The following LAMA5 variants were observed in gnomAD, a reference collection of about 807,000 sequenced individuals.
The protein encoded by LAMA5 is laminin subunit alpha 5, also known as laminin subunit alpha-5.
Under a neutral mutation model 433.4 loss-of-function variants are expected in LAMA5, and 260 were observed. That is an observed-to-expected ratio of 0.60 (90% CI 0.54 to 0.66). The LOEUF (loss-of-function observed/expected upper bound fraction) is 0.66. LAMA5 is among the 30% of genes least tolerant of loss of function. The probability of loss-of-function intolerance (pLI) is 0.00; values close to 1 mark genes in which losing one functional copy is unlikely to be tolerated. For missense variants in LAMA5, 5,378 were observed against 5,258.5 expected (o/e 1.02, Z -0.70); for synonymous variants, 2,620 against 2,226.6 (o/e 1.18, Z -4.97).
In LAMA5 at chr20:62,311,090, T is replaced by C. The variant is rs138515494; in HGVS notation, c.10093A>G (p.Ser3365Gly). 3,031 of 1,576,196 alleles carry C rather than the reference T, an allele frequency of 1.9e-3. 41 individuals are homozygous for C. The African/African-American group carries it at 0.034, about 18-fold the overall frequency. Reference sequence around the variant, plus strand: ...CGCGGGAGGACGTGCATGGAGAGACTGGGCCTGGAAGCGGAGCTGGCGTCA... The same window carrying C: ...CGCGGGAGGACGTGCATGGAGAGACCGGGCCTGGAAGCGGAGCTGGCGTCA... ...GILARHRNWPSLSMHVLPRSS... is the reference protein window; with the variant it reads ...GILARHRNWPGLSMHVLPRSS... Residue 3365 changes from serine to glycine, a missense_variant, in exon 74 of 80, where the codon AGT becomes GGT. By Grantham distance (56) the Ser-to-Gly change is moderately conservative. Coordinates refer to ENST00000252999, the MANE Select transcript of LAMA5 (RefSeq NM_005560.6).
intron 6 of LAMA5, among the ~76,000 whole-genome samples, chr20:62,350,560 G>T (rs1394787346): frequency 1.3e-5 from 2 of 152,180 alleles, no homozygotes; most frequent in Non-Finnish European, 2.9e-5. Flanking sequence ...GAGCAGTAAG[G>T]CCCCACAGAA....
intron 28 of LAMA5, among the ~76,000 whole-genome samples, chr20:62,331,642 A>G (rs1295223914): frequency 6.6e-6 from 1 of 152,138 alleles, no homozygotes; most frequent in East Asian, 1.9e-4. Context: ...ACAAGCCGCA[A>G]ATGGGTGCTC....
In LAMA5 at chr20:62,337,591, T is replaced by C; in HGVS notation, c.2163A>G (p.Glu721=). Residue 721 remains glutamate, a splice_region_variant and synonymous_variant, in exon 16 of 80, where the codon GAA becomes GAG. Coordinates refer to ENST00000252999, the MANE Select transcript of LAMA5 (RefSeq NM_005560.6). The part of the protein sequence containing the change: ...VPGAYNFPYC[E]AGSCHPAGLA... Reference sequence around the variant, plus strand: ...GCACACAGCCACCTGCCTGCTCACCTTCGCAGTAGGGGAAGTTGTAGGCAC... The same window carrying C: ...GCACACAGCCACCTGCCTGCTCACCCTCGCAGTAGGGGAAGTTGTAGGCAC... 9 of 1,603,478 alleles carry C rather than the reference T, an allele frequency of 5.6e-6. No homozygotes were observed. Among genetic ancestry groups the C allele is most frequent in the Non-Finnish European group, 7.7e-6 (9 of 1,175,904 alleles).
intron 11 of LAMA5, among the ~76,000 whole-genome samples, chr20:62,339,036 C>CAAAA (rs547740017): frequency 8.0e-6 from 1 of 125,408 alleles, no homozygotes. Context: ...GACTCCGTCT[C>CAAAA]AAAAAAAAAA....
chr20:62,362,533 C>A lies in LAMA5; in HGVS notation c.317G>T (p.Cys106Phe). ...QTIRGQYCDICTAANSNKAHP... is the reference protein window; with the variant it reads ...QTIRGQYCDIFTAANSNKAHP... ...TGCCTTGTTGCTGTTGGCAGCCGTG[C>A]AGATGTCACAGTACTGGCCCTGCAG... The change falls in exon 2 of 80, where the codon TGC (cysteine) becomes TTC (phenylalanine). Residue 106 changes from cysteine (C) to phenylalanine (F), a missense_variant. By Grantham distance (205) the Cys-to-Phe change is radical. Coordinates refer to ENST00000252999, the MANE Select transcript of LAMA5 (RefSeq NM_005560.6). 6.3e-7 allele frequency: 1 copy of A among 1,595,640 alleles called. No individual in the cohort carries two copies.
Position 62,325,424 on chromosome 20 carries a change from G to C in LAMA5, c.5421C>G (p.Phe1807Leu). 6.2e-7 allele frequency: 1 copy of C among 1,612,370 alleles called. No individual in the cohort carries two copies. The change falls in exon 41 of 80, where the codon TTC becomes TTG. Residue 1807 changes from phenylalanine to leucine, a missense_variant. By Grantham distance (22) the Phe-to-Leu change is conservative. Transcript: ENST00000252999. ...ALFSQISSAV[F>L]LRRVALEVAS... ...CCACCTCCAGTGCCACCCTGCGCAG[G>C]AAGACAGCCGAGGAGATCTGTGAGA...
chr20:62,347,404 T>G (rs1032479013), intron 6 of LAMA5, among the ~76,000 whole-genome samples: 24 of 152,090 alleles, frequency 1.6e-4, no homozygotes, highest in African/African-American at 5.1e-4. Flanking sequence ...GATGGAGACC[T>G]GCGTTCTCCA....
chr20:62,361,565 T>C (rs115804557), intron 2 of LAMA5, among the ~76,000 whole-genome samples: 9,806 of 152,280 alleles, frequency 0.064, 364 homozygotes, highest in South Asian at 0.18. Flanking sequence ...TGAAGACCGA[T>C]GTGTCACACA....
At chr20:62,353,440 G>A (rs534261491) in intron 2 of LAMA5, 189 bp from the exon 3 acceptor site, 1 of 517,580 alleles carries the variant, frequency 1.9e-6, no homozygotes, top group African/African-American at 2.0e-5. Context: ...CCCAGGGATG[G>A]AGATGAGCCC....
At chr20:62,332,516 C>T (rs1291962092) in intron 27 of LAMA5, 36 bp from the exon 28 acceptor site, 1 of 1,608,098 alleles carries the variant, frequency 6.2e-7, no homozygotes, top group South Asian at 1.1e-5. Flanking sequence ...TGGGGCAGCC[C>T]CGGGCGTGCC....
Position 62,318,471 on chromosome 20 carries a change from G to T in LAMA5, c.7222C>A (p.Arg2408Ser), listed in dbSNP as rs201111971. 5.0e-6 allele frequency: 8 copies of T among 1,606,192 alleles called. No homozygotes were observed. Among genetic ancestry groups the T allele is most frequent in the Admixed American group, 3.3e-5 (2 of 59,798 alleles). ...AQELNSRNQE[R>S]LEEALQRKQE... ...GTCCTCACCAGGGCTTCCTCCAGGC[G>T]CTCCTGGTTGCGGCTGTTGAGCTCC... The change falls in exon 53 of 80, where the codon CGC (arginine) becomes AGC (serine). Residue 2408 changes from arginine (R) to serine (S), a missense_variant. By Grantham distance (110) the Arg-to-Ser change is moderately radical. Coordinates refer to ENST00000252999, the MANE Select transcript of LAMA5 (RefSeq NM_005560.6).
At chr20:62,366,857 G>A (rs557092868) in intron 1 of LAMA5, 92 bp downstream of exon 1, 5 of 1,226,154 alleles carry the variant, frequency 4.1e-6, no homozygotes, top group African/African-American at 1.6e-5. Flanking sequence ...ACCTGGACTC[G>A]CCCCGGGCCA....
rs780952296 is a variant in LAMA5, at chr20:62,312,327, G to C, written c.9361-11C>G. 6.2e-7 allele frequency: 1 copy of C among 1,606,916 alleles called. No individual in the cohort carries two copies. The highest frequency in any genetic ancestry group is 1.7e-5 in the Admixed American group (1 of 59,704). The stretch of plus-strand genomic sequence containing the variant: ...CATGGCGCGCCCCACCTGCGGGGAG[G>C]CCATCCCTGAGTGCCCGCGGGTGCC... On this transcript the variant is annotated splice_polypyrimidine_tract_variant and intron_variant, in intron 68 of 79. Coordinates refer to ENST00000252999, the MANE Select transcript of LAMA5 (RefSeq NM_005560.6).
chr20:62,362,094 T>C (rs1272126200), intron 2 of LAMA5, among the ~76,000 whole-genome samples: 5 of 152,166 alleles, frequency 3.3e-5, no homozygotes, highest in African/African-American at 1.2e-4. Context: ...TCACAGCACC[T>C]CCGCCCTCCC....
In LAMA5 at chr20:62,323,760, C is replaced by T. The variant is rs747064184; in HGVS notation, c.5849+16G>A. ...CAGCACTCAGGCCCTGCCCCACTGC[C>T]CTAGCCCCAGCTCACCGCTCGCAGG... On this transcript the variant is annotated intron_variant, in intron 44 of 79. Coordinates refer to ENST00000252999, the MANE Select transcript of LAMA5 (RefSeq NM_005560.6). 3.1e-6 allele frequency: 5 copies of T among 1,607,734 alleles called. No individual in the cohort carries two copies. The highest frequency in any genetic ancestry group is 1.6e-4 in the Middle Eastern group (1 of 6,062).
At position 62,309,312 on chromosome 20, in the gene LAMA5, C is replaced by A; in HGVS notation, c.*24G>T. 1 of 1,588,956 alleles carries A rather than the reference C, an allele frequency of 6.3e-7. No individual in the cohort carries two copies. The highest frequency in any genetic ancestry group is 8.5e-7 in the Non-Finnish European group (1 of 1,175,802). ...GTGTGAGGCAGCTGCAGGGGCCTGA[C>A]CAGGGGCCGGGGTTGGCTGTGTCCT... On this transcript the variant is annotated 3_prime_UTR_variant, in exon 80 of 80. Coordinates refer to ENST00000252999, the MANE Select transcript of LAMA5 (RefSeq NM_005560.6).
Position 62,338,599 on chromosome 20 carries a change from C to T in LAMA5, c.1487G>A (p.Cys496Tyr). 6.2e-7 allele frequency: 1 copy of T among 1,609,588 alleles called. No individual in the cohort carries two copies. Among genetic ancestry groups the T allele is most frequent in the Non-Finnish European group, 8.5e-7 (1 of 1,179,232 alleles). ...GTTGCCCTGGGTCCCTGCCGCGCTG[C>T]AGTCACAATCTGGAGGGTGGGGACA... Reference protein sequence around the residue: ...LPAGQIVNCDCSAAGTQGNAC... With the variant: ...LPAGQIVNCDYSAAGTQGNAC... Residue 496 changes from cysteine (C) to tyrosine (Y), a missense_variant, in exon 12 of 80, where the codon TGC (cysteine) becomes TAC (tyrosine). Cys to Tyr is a radical substitution (Grantham distance 194). Coordinates refer to ENST00000252999, the MANE Select transcript of LAMA5 (RefSeq NM_005560.6).
chr20:62,353,968 AGCACTGCTGTGGCCCGGTGCACGTCAGG>A (rs1984767117), intron 2 of LAMA5, among the ~76,000 whole-genome samples: 1 of 152,060 alleles, frequency 6.6e-6, no homozygotes, highest in South Asian at 2.1e-4. Flanking sequence ...CTGGGGCAGT[AGCACTGCTGTGGCCCGGTGCACGTCAGG>A]GCAGCCCTGC....
At position 62,362,429 on chromosome 20, in the gene LAMA5, CGTT is replaced by C; in HGVS notation, c.418_420del (p.Asn140del). On this transcript the variant is annotated inframe_deletion, in exon 2 of 80. Transcript: ENST00000252999. ...CCCAGGTCCAGGGTGACGTTGACCT[CGTT>C]GTACTCCAGGCCGCGGGACAGCGGT... 2 of 1,576,878 alleles carry C rather than the reference CGTT, an allele frequency of 1.3e-6. No homozygotes were observed. The highest frequency in any genetic ancestry group is 1.7e-6 in the Non-Finnish European group (2 of 1,157,080).
Sources: allele counts gnomAD v4.1 joint callset (sites outside exome capture counted in the v4.1 genomes callset), GRCh38; gene constraint gnomAD v4.1.1; transcripts MANE v1.5; gene names NCBI Gene and HGNC (gene_info 2026-07-23, HGNC 2026-07-21).